The following TFDP2 variants were observed in gnomAD, a reference collection of about 807,000 sequenced individuals.
The protein encoded by TFDP2 is transcription factor Dp-2 (E2F dimerization partner 2).
TFDP2 carries 17 observed loss-of-function variants against 59.3 expected under a neutral mutation model. That is an observed-to-expected ratio of 0.29 (90% CI 0.20 to 0.43). TFDP2 has a LOEUF of 0.43. Among genes scored for constraint, TFDP2 ranks in the 20% least tolerant of loss-of-function variants. TFDP2 has a pLI of 1.00. For missense variants in TFDP2, 391 were observed against 528.8 expected (o/e 0.74, Z 2.56); for synonymous variants, 180 against 194.7 (o/e 0.92, Z 0.63).
intron 1 of TFDP2, among the ~76,000 whole-genome samples, chr3:142,141,535 A>G (rs1467867667): frequency 6.6e-6 from 1 of 152,202 alleles, no homozygotes. Context: ...TAAAGTCAAA[A>G]GAACATAGGC....
chr3:142,145,468 G>A (rs917967892), intron 1 of TFDP2: 1 of 152,144 alleles, frequency 6.6e-6, no homozygotes, highest in Non-Finnish European at 1.5e-5. Context: ...TCCCTTAGTA[G>A]CACATATACT....
At chr3:141,990,022 T>A (rs1019219219) in intron 6 of TFDP2, among the ~76,000 whole-genome samples, 2 of 151,796 alleles carry the variant, frequency 1.3e-5, no homozygotes, top group Non-Finnish European at 1.5e-5. Flanking sequence ...GCCTCCCGAA[T>A]AGCTGGGATT....
chr3:141,960,224 G>A (rs1937190954), intron 10 of TFDP2, among the ~76,000 whole-genome samples: 1 of 152,010 alleles, frequency 6.6e-6, no homozygotes, highest in Non-Finnish European at 1.5e-5. Flanking sequence ...TAGCTTTGAG[G>A]AAAAAAACAT....
chr3:142,107,010 G>A (rs1026540218), intron 1 of TFDP2, among the ~76,000 whole-genome samples: 1 of 152,128 alleles, frequency 6.6e-6, no homozygotes, highest in African/African-American at 2.4e-5. Context: ...AATAGGAAAG[G>A]TAGCATATTT....
chr3:142,024,319 A>C (rs1443570927), intron 3 of TFDP2, among the ~76,000 whole-genome samples: 1 of 152,208 alleles, frequency 6.6e-6, no homozygotes, highest in Non-Finnish European at 1.5e-5. Context: ...GTTTCTTGAA[A>C]CTTGGTAGAA....
intron 3 of TFDP2, among the ~76,000 whole-genome samples, chr3:142,068,828 G>A (rs934767070): frequency 6.6e-6 from 1 of 151,992 alleles, no homozygotes; most frequent in Non-Finnish European, 1.5e-5. Flanking sequence ...AAAAGTGCTA[G>A]GATTATCAGT....
chr3:142,031,588 C>A lies in TFDP2; in HGVS notation c.83-26044G>T, dbSNP rs140986818. Among the ~76,000 whole-genome samples, 43 of 152,278 alleles carry A rather than the reference C, an allele frequency of 2.8e-4. No individual in the cohort carries two copies. The South Asian group carries it at 7.5e-3, about 26-fold the overall frequency. On this transcript the variant is annotated intron_variant, in intron 3 of 12. Coordinates refer to ENST00000489671, the MANE Select transcript of TFDP2 (RefSeq NM_001178139.2). Reference sequence around the variant, plus strand: ...ACTTCCCACTCAGATGATAAAAATGCAGATTATATAGGTTGTGTCAAACAA... The same window carrying A: ...ACTTCCCACTCAGATGATAAAAATGAAGATTATATAGGTTGTGTCAAACAA...
At chr3:141,991,389 C>G (rs984851590) in intron 6 of TFDP2, among the ~76,000 whole-genome samples, 3 of 151,952 alleles carry the variant, frequency 2.0e-5, no homozygotes, top group Admixed American at 1.3e-4. Context: ...GAGAGTCAAC[C>G]AGAACATTTA....
chr3:142,050,280 T>TA (rs1414121265), intron 3 of TFDP2, among the ~76,000 whole-genome samples: 3 of 148,528 alleles, frequency 2.0e-5, no homozygotes, highest in African/African-American at 5.0e-5. Context: ...AAAAAAATAA[T>TA]AAAAAAAAAA....
intron 1 of TFDP2, among the ~76,000 whole-genome samples, chr3:142,135,367 A>G (rs1264219438): frequency 6.6e-6 from 1 of 152,024 alleles, no homozygotes. Context: ...CTTGACGTCC[A>G]TATTTCCTTT....
At chr3:141,996,142 C>T (rs1199240410) in intron 4 of TFDP2, among the ~76,000 whole-genome samples, 1 of 151,960 alleles carries the variant, frequency 6.6e-6, no homozygotes, top group Non-Finnish European at 1.5e-5. Flanking sequence ...AGAAAGGTAC[C>T]TTATATGTGT....
chr3:141,968,380 T>TAA lies in TFDP2; in HGVS notation c.732+1692_732+1693insTT. Reference sequence around the variant, plus strand: ...ACATATATCTCATATATAACATATATCTCATATATATAACATATATATCAT... The same window carrying TAA: ...ACATATATCTCATATATAACATATATAACTCATATATATAACATATATATCAT... On this transcript the variant is annotated intron_variant, in intron 9 of 12. Transcript: ENST00000489671. Among the ~76,000 whole-genome samples the TAA allele has an allele frequency of 1.8e-5, 2 of 108,882 alleles. 1 individual carries two copies. Among genetic ancestry groups the TAA allele is most frequent in the African/African-American group, 6.4e-5 (2 of 31,334 alleles). The allele number at this position is 108,882 out of a possible 152,430, so 71.4% of individuals were successfully genotyped here. A position where few individuals can be genotyped will look rare whatever the true frequency, so the allele number is the denominator to read the frequency against.
chr3:142,131,010 G>A (rs1203692029), intron 1 of TFDP2, among the ~76,000 whole-genome samples: 2 of 142,880 alleles, frequency 1.4e-5, no homozygotes, highest in South Asian at 4.2e-4. Flanking sequence ...CCAAGATCAC[G>A]CCATTGCACT....
At position 141,975,693 on chromosome 3, in the gene TFDP2, C is replaced by CAA. The variant is rs537962821; in HGVS notation, c.520-1504_520-1503dup. On this transcript the variant is annotated intron_variant, in intron 7 of 12. Transcript: ENST00000489671. ...TGGGTGACAGAGCTAGACTCTGTCT[C>CAA]AAAAAAAAAAAAAAAAAGAAATCTT... Among the ~76,000 whole-genome samples, 489 of 95,972 alleles carry CAA rather than the reference C, an allele frequency of 5.1e-3. 8 individuals carry two copies. The highest frequency in any genetic ancestry group is 0.016 in the African/African-American group (408 of 26,006). The allele number at this position is 95,972 out of a possible 152,430, so 63.0% of individuals were successfully genotyped here. A position where few individuals can be genotyped will look rare whatever the true frequency, so the allele number is the denominator to read the frequency against.
At chr3:141,984,194 A>G (rs1367166913) in intron 6 of TFDP2, among the ~76,000 whole-genome samples, 1 of 152,228 alleles carries the variant, frequency 6.6e-6, no homozygotes, top group Non-Finnish European at 1.5e-5. Context: ...AAGTGACATA[A>G]GCCAGACATA....
rs149737336 is a variant in TFDP2 at position 142,058,815 on chromosome 3, A to G, written c.82+34246T>C. 2.3e-4 allele frequency among the ~76,000 whole-genome samples: 35 copies of G among 152,262 alleles called. No individual in the cohort carries two copies. The East Asian group carries it at 6.2e-3, about 27-fold the overall frequency. ...CAAACTGTCATTTATGGGGTTTTATAGAGGTTTCCTTATGTAAGCATGATT... is the reference window on the plus strand; with the variant it reads ...CAAACTGTCATTTATGGGGTTTTATGGAGGTTTCCTTATGTAAGCATGATT... On this transcript the variant is annotated intron_variant, in intron 3 of 12. Transcript: ENST00000489671.
chr3:142,140,512 G>C (rs2062908728), intron 1 of TFDP2, among the ~76,000 whole-genome samples: 1 of 152,108 alleles, frequency 6.6e-6, no homozygotes, highest in Non-Finnish European at 1.5e-5. Flanking sequence ...ATCTACCTTT[G>C]GTCTTTGATG....
chr3:142,144,631 TC>T (rs1268711105), intron 1 of TFDP2, among the ~76,000 whole-genome samples: 1 of 152,122 alleles, frequency 6.6e-6, no homozygotes, highest in Non-Finnish European at 1.5e-5. Context: ...AGCCTTGACT[TC>T]CTGGGCTCAA....
rs1345847564 is a variant in TFDP2, at chr3:141,966,958, C to T, written c.733-2995G>A. On this transcript the variant is annotated intron_variant, in intron 9 of 12. Coordinates refer to ENST00000489671, the MANE Select transcript of TFDP2 (RefSeq NM_001178139.2). ...AAAAGACAGAGTCTTGCTCTGTTGC[C>T]CAGGCTGGAGTGCAGTGGTGCAATC... Among the ~76,000 whole-genome samples, 3 of 149,064 alleles carry T rather than the reference C, an allele frequency of 2.0e-5. No homozygotes were observed. The East Asian group carries it at 5.8e-4, about 29-fold the overall frequency.
Sources: allele counts gnomAD v4.1 joint callset (sites outside exome capture counted in the v4.1 genomes callset), GRCh38; gene constraint gnomAD v4.1.1; transcripts MANE v1.5; gene names NCBI Gene and HGNC (gene_info 2026-07-23, HGNC 2026-07-21).